Variants in LRP1B observed in about 807,000 individuals in gnomAD.
LRP1B encodes LDL receptor related protein 1B.
Under a neutral mutation model 556.6 loss-of-function variants are expected in LRP1B, and 217 were observed. The observed-to-expected ratio is 0.39, with a 90% CI of 0.35 to 0.44. LRP1B has a LOEUF of 0.44. Among genes scored for constraint, LRP1B ranks in the 20% least tolerant of loss-of-function variants. LRP1B has a pLI of 1.00. For synonymous variants in LRP1B, 2,047 were observed against 1,865.8 expected (o/e 1.10, Z -2.50); for missense variants, 5,053 against 5,620.8 (o/e 0.90, Z 3.23).
At chr2:141,628,548 C>T (rs1688784835) in intron 2 of LRP1B, among the ~76,000 whole-genome samples, 1 of 152,136 alleles carries the variant, frequency 6.6e-6, no homozygotes, top group South Asian at 2.1e-4. Flanking sequence ...GAATGGTAAA[C>T]ATGATGAACA....
intron 68 of LRP1B, among the ~76,000 whole-genome samples, chr2:140,374,413 C>T (rs1683131713): frequency 6.6e-6 from 1 of 152,080 alleles, no homozygotes; most frequent in Non-Finnish European, 1.5e-5. Flanking sequence ...TTCTAAATTC[C>T]TGAAATTTTC....
chr2:140,535,518 C>T (rs1183704120), intron 46 of LRP1B, among the ~76,000 whole-genome samples: 1 of 152,014 alleles, frequency 6.6e-6, no homozygotes, highest in Admixed American at 6.6e-5. Flanking sequence ...TTCTCTTATT[C>T]TAACTTTTCT....
In LRP1B at chr2:140,406,664, T is replaced by G. The variant is rs183177531; in HGVS notation, c.10415-20655A>C. 2.6e-3 allele frequency among the ~76,000 whole-genome samples: 388 copies of G among 152,150 alleles called. 2 individuals are homozygous for G. Among genetic ancestry groups the G allele is most frequent in the African/African-American group, 8.9e-3 (368 of 41,526 alleles). Reference sequence around the variant, plus strand: ...GGTGAAAAATCTCTACAAGGAAAACTATAAAACATTGTTGGAAGAAATCAC... The same window carrying G: ...GGTGAAAAATCTCTACAAGGAAAACGATAAAACATTGTTGGAAGAAATCAC... On this transcript the variant is annotated intron_variant, in intron 66 of 90. Transcript: ENST00000389484.
chr2:141,433,629 C>G (rs1680650624), intron 3 of LRP1B, among the ~76,000 whole-genome samples: 1 of 152,026 alleles, frequency 6.6e-6, no homozygotes, highest in Non-Finnish European at 1.5e-5. Context: ...TCTAATAAGT[C>G]AGCTGATAGT....
chr2:141,207,226 T>C (rs1682326057), intron 6 of LRP1B, among the ~76,000 whole-genome samples: 2 of 152,350 alleles, frequency 1.3e-5, no homozygotes, highest in East Asian at 1.9e-4. Flanking sequence ...TTTCTGTTCC[T>C]TGTACACAAC....
intron 2 of LRP1B, among the ~76,000 whole-genome samples, chr2:141,572,668 G>A (rs1299058630): frequency 1.3e-5 from 2 of 152,156 alleles, no homozygotes; most frequent in Admixed American, 1.3e-4. Flanking sequence ...CCATTGGTGT[G>A]CTGTATTGAG....
chr2:141,249,251 T>C (rs408992), intron 4 of LRP1B, among the ~76,000 whole-genome samples: 59,154 of 151,584 alleles, frequency 0.39, 11,539 homozygotes, highest in South Asian at 0.51. Context: ...ATGAAAAAAA[T>C]TTAGCTAGTG....
intron 7 of LRP1B, among the ~76,000 whole-genome samples, chr2:141,163,580 G>A (rs1441331274): frequency 6.6e-6 from 1 of 151,990 alleles, no homozygotes; most frequent in Non-Finnish European, 1.5e-5. Flanking sequence ...ATGTGTTGTG[G>A]GAGGGACTTG....
chr2:141,900,303 A>G (rs893210080), intron 1 of LRP1B, among the ~76,000 whole-genome samples: 6 of 152,098 alleles, frequency 3.9e-5, no homozygotes, highest in Non-Finnish European at 7.4e-5. Flanking sequence ...AAAAACTGCT[A>G]TGTTTCAAAC....
intron 2 of LRP1B, among the ~76,000 whole-genome samples, chr2:141,706,069 T>C (rs1692126586): frequency 6.6e-6 from 1 of 152,056 alleles, no homozygotes; most frequent in African/African-American, 2.4e-5. Flanking sequence ...TAAACCTATA[T>C]GGAAATTTAG....
At chr2:140,656,719 A>C (rs979198674) in intron 41 of LRP1B, among the ~76,000 whole-genome samples, 2 of 152,112 alleles carry the variant, frequency 1.3e-5, no homozygotes, top group Non-Finnish European at 2.9e-5. Context: ...TCAAAAGAAA[A>C]GTTTTTTGGG....
At chr2:141,255,743 C>T (rs1015460219) in intron 3 of LRP1B, among the ~76,000 whole-genome samples, 3 of 151,706 alleles carry the variant, frequency 2.0e-5, no homozygotes, top group Non-Finnish European at 4.4e-5. Context: ...ATTTATACTC[C>T]ATTTCTATCC....
chr2:140,675,151 T>C (rs935239513), intron 41 of LRP1B, among the ~76,000 whole-genome samples: 1 of 152,236 alleles, frequency 6.6e-6, no homozygotes, highest in Admixed American at 6.5e-5. Flanking sequence ...ATTGAGCCCA[T>C]CCAGATTATC....
At chr2:141,946,856 C>T (rs1437604275) in intron 1 of LRP1B, among the ~76,000 whole-genome samples, 3 of 151,668 alleles carry the variant, frequency 2.0e-5, no homozygotes, top group East Asian at 1.9e-4. Flanking sequence ...ATGATAGGAA[C>T]GATATTAGCG....
At position 141,049,040 on chromosome 2, in the gene LRP1B, G is replaced by C. The variant is rs2105445629; in HGVS notation, c.1735C>G (p.Leu579Val). The change falls in exon 11 of 91, where the codon CTA (leucine) becomes GTA (valine). Residue 579 changes from leucine (L) to valine (V), a missense_variant. This residue lies in a region of LRP1B where 3,619 missense variants were observed against 3,931.9 expected (regional missense o/e 0.92). Coordinates refer to ENST00000389484, the MANE Select transcript of LRP1B (RefSeq NM_018557.3). ...CCATCTATCTTCTGCCGGCCAATTA[G>C]GAAACTGGTGGTGTCAGCAAAGTAG... ...YIYFADTTSF[L>V]IGRQKIDGTE... 6.2e-7 allele frequency: 1 copy of C among 1,613,498 alleles called. No homozygotes were observed. The highest frequency in any genetic ancestry group is 8.5e-7 in the Non-Finnish European group (1 of 1,179,664).
intron 67 of LRP1B, among the ~76,000 whole-genome samples, chr2:140,384,763 G>C (rs1683683309): frequency 6.6e-6 from 1 of 152,092 alleles, no homozygotes; most frequent in African/African-American, 2.4e-5. Context: ...TTAGTCTTCT[G>C]CGTCTGGGGA....
At chr2:140,986,155 T>C (rs1696917908) in intron 17 of LRP1B, among the ~76,000 whole-genome samples, 1 of 152,020 alleles carries the variant, frequency 6.6e-6, no homozygotes, top group Non-Finnish European at 1.5e-5. Flanking sequence ...AATTTAACTT[T>C]ATTTTTAAAT....
intron 1 of LRP1B, among the ~76,000 whole-genome samples, chr2:141,831,174 T>TA (rs1028312365): frequency 1.9e-4 from 29 of 151,594 alleles, no homozygotes; most frequent in East Asian, 1.2e-3. Context: ...TGTTAATTTC[T>TA]AAAAAAAATA....
At chr2:141,123,255 T>TA (rs1558876221) in intron 7 of LRP1B, among the ~76,000 whole-genome samples, 2 of 145,634 alleles carry the variant, frequency 1.4e-5, no homozygotes, top group African/African-American at 5.0e-5. Context: ...AAAAAATAAA[T>TA]AAATAAATAA....
Sources: allele counts gnomAD v4.1 joint callset (sites outside exome capture counted in the v4.1 genomes callset), GRCh38; gene constraint gnomAD v4.1.1; regional missense constraint gnomAD v4.1.1; transcripts MANE v1.5; gene names NCBI Gene and HGNC (gene_info 2026-07-23, HGNC 2026-07-21).